Variants in PCDHGC3 observed in about 807,000 individuals in gnomAD.
The protein encoded by PCDHGC3 is protocadherin gamma subfamily C, 3.
A neutral mutation model predicts 59.2 loss-of-function variants in PCDHGC3; 26 were observed. That is an observed-to-expected ratio of 0.44 (90% confidence interval 0.32 to 0.61). The LOEUF is 0.61. Ranked by LOEUF, PCDHGC3 falls within the 20% of genes least tolerant of loss-of-function variation. The pLI is 0.05. For synonymous variants in PCDHGC3, 487 were observed against 519.7 expected, an observed-to-expected ratio of 0.94 and a Z score of 0.86; for missense variants, 1,080 against 1,221.8, an observed-to-expected ratio of 0.88 and a Z score of 1.73.
rs943867570 is a variant in PCDHGC3 at position 141,493,651 on chromosome 5, T to C, written c.2431-1156T>C. On this transcript the variant is annotated intron_variant, in intron 1 of 3. Coordinates refer to ENST00000308177, the MANE Select transcript of PCDHGC3 (RefSeq NM_002588.4). The surrounding 1 kb of genome is among the most constrained non-coding windows in gnomAD (Gnocchi z 4.3). ...AGTGGCTGAGGGCTGGCCATCCCTGTGCCCTTCTCCATGGCAGCCCCAGAA... is the reference window on the plus strand; with the variant it reads ...AGTGGCTGAGGGCTGGCCATCCCTGCGCCCTTCTCCATGGCAGCCCCAGAA... Among the ~76,000 whole-genome samples, 1 of 152,204 alleles carries C rather than the reference T, an allele frequency of 6.6e-6. No individual in the cohort carries two copies. The highest frequency in any genetic ancestry group is 1.5e-5 in the Non-Finnish European group (1 of 68,030).
chr5:141,503,713 C>T (rs867005984), intron 2 of PCDHGC3, among the ~76,000 whole-genome samples: 6 of 152,134 alleles, frequency 3.9e-5, no homozygotes, highest in Non-Finnish European at 8.8e-5. Context: ...TCCCCTTCAA[C>T]CCTAGCTTTA....
At chr5:141,498,919 C>T (rs897611505) in intron 2 of PCDHGC3, among the ~76,000 whole-genome samples, 34 of 122,310 alleles carry the variant, frequency 2.8e-4, no homozygotes, top group African/African-American at 3.4e-4. Flanking sequence ...GGTGACAGAG[C>T]GAGACTCCAT....
chr5:141,485,408 T>G lies in PCDHGC3; in HGVS notation c.2430+6862T>G. On this transcript the variant is annotated intron_variant, in intron 1 of 3. Transcript: ENST00000308177. The surrounding 1 kb of genome is among the most constrained non-coding windows in gnomAD (Gnocchi z 5.7). ...GAACCAAAGACACTTCCGTGTGGAT[T>G]TGGACAGCGGAGCCCTGCTCATCAA... 1 of 1,614,112 alleles carries G rather than the reference T, an allele frequency of 6.2e-7. No individual in the cohort carries two copies. The highest frequency in any genetic ancestry group is 8.5e-7 in the Non-Finnish European group (1 of 1,180,034).
chr5:141,485,882 G>C lies in PCDHGC3; in HGVS notation c.2430+7336G>C. 6.2e-7 allele frequency: 1 copy of C among 1,614,146 alleles called. No homozygotes were observed. On this transcript the variant is annotated intron_variant, in intron 1 of 3. Transcript: ENST00000308177. The surrounding 1 kb of genome is among the most constrained non-coding windows in gnomAD (Gnocchi z 5.7). ...CCGGGTATCCGTGCTGGACGTAAACGACAACGCCCCAGCCTTCCAGCAATC... is the reference window on the plus strand; with the variant it reads ...CCGGGTATCCGTGCTGGACGTAAACCACAACGCCCCAGCCTTCCAGCAATC...
At position 141,477,415 on chromosome 5, in the gene PCDHGC3, A is replaced by T. The variant is rs771293212; in HGVS notation, c.1299A>T (p.Gly433=). The change falls in exon 1 of 4, where the codon GGA becomes GGT. Residue 433 remains glycine (G), a synonymous_variant. Coordinates refer to ENST00000308177, the MANE Select transcript of PCDHGC3 (RefSeq NM_002588.4). This position sits in a 1 kb window ranked among gnomAD's most constrained non-coding sequence, Gnocchi z 4.9. ...YNLSITARDA[G]TPSLSALTIV... ...TCAGCATCACCGCCCGAGACGCCGG[A>T]ACCCCTTCCCTCTCAGCCCTTACAA... 12 of 1,614,162 alleles carry T rather than the reference A, an allele frequency of 7.4e-6. No individual in the cohort carries two copies. The highest frequency in any genetic ancestry group is 1.0e-5 in the Non-Finnish European group (12 of 1,180,020).
rs746838072 is a variant in PCDHGC3 at position 141,486,116 on chromosome 5, T to A, written c.2430+7570T>A. ...GCCCCTAGACTTTGAGAGTGAGAATTACTATGAATTTGATGTGCGGGCTCG... is the reference window on the plus strand; with the variant it reads ...GCCCCTAGACTTTGAGAGTGAGAATAACTATGAATTTGATGTGCGGGCTCG... On this transcript the variant is annotated intron_variant, in intron 1 of 3. Coordinates refer to ENST00000308177, the MANE Select transcript of PCDHGC3 (RefSeq NM_002588.4). This position sits in a 1 kb window ranked among gnomAD's most constrained non-coding sequence, Gnocchi z 5.0. 1.1e-5 allele frequency: 17 copies of A among 1,613,638 alleles called. No homozygotes were observed. Among genetic ancestry groups the A allele is most frequent in the Non-Finnish European group, 1.4e-5 (17 of 1,179,610 alleles).
Position 141,487,858 on chromosome 5 carries a change from G to C in PCDHGC3, c.2431-6949G>C, listed in dbSNP as rs575288726. Reference sequence around the variant, plus strand: ...ATCTGAGTAAGAAATGAAAGTAATTGGTGATCAAGAGCCAGGCTGTTGTGG... The same window carrying C: ...ATCTGAGTAAGAAATGAAAGTAATTCGTGATCAAGAGCCAGGCTGTTGTGG... On this transcript the variant is annotated intron_variant, in intron 1 of 3. Transcript: ENST00000308177. The surrounding 1 kb of genome is among the most constrained non-coding windows in gnomAD (Gnocchi z 5.0). The C allele has an allele frequency of 3.8e-5, 36 of 953,250 alleles. No individual in the cohort carries two copies. The Middle Eastern group carries it at 1.3e-3, about 35-fold the overall frequency. 59.0% of individuals were successfully genotyped at this position (953,250 alleles called of 1,614,324 possible). A position where few individuals can be genotyped will look rare whatever the true frequency, so the allele number is the denominator to read the frequency against.
Position 141,478,294 on chromosome 5 carries a change from A to G in PCDHGC3, c.2178A>G (p.Leu726=), listed in dbSNP as rs147994096. The G allele has an allele frequency of 3.6e-3, 5,805 of 1,614,110 alleles. 30 individuals are homozygous for G. Among genetic ancestry groups the G allele is most frequent in the Non-Finnish European group, 3.4e-3 (4,026 of 1,180,032 alleles). The stretch of plus-strand genomic sequence containing the variant: ...ACAAGTGGAAGCAGTCTAGAGACCT[A>G]TACCGAGCCCCGGTGAGCTCACTGT... The part of the protein sequence containing the change: ...KVYKWKQSRD[L]YRAPVSSLYR... The change falls in exon 1 of 4, where the codon CTA becomes CTG. Residue 726 remains leucine (L), a synonymous_variant. Coordinates refer to ENST00000308177, the MANE Select transcript of PCDHGC3 (RefSeq NM_002588.4).
chr5:141,480,429 T>A (rs72790066), intron 1 of PCDHGC3, among the ~76,000 whole-genome samples: 9,317 of 151,926 alleles, frequency 0.061, 335 homozygotes, highest in South Asian at 0.12. Context: ...AAAAAAATTA[T>A]CAGCTATTAC....
In PCDHGC3 at chr5:141,478,137, G is replaced by A. The variant is rs762316494; in HGVS notation, c.2021G>A (p.Arg674Gln). ...GTAACCGAGGACTCTCCTGAAGCCC[G>A]AGCCGAGTTCCCCTCTGGCTCTGCC... Reference protein sequence around the residue: ...VSVTEDSPEARAEFPSGSAPR... With the variant: ...VSVTEDSPEAQAEFPSGSAPR... The change falls in exon 1 of 4, where the codon CGA becomes CAA. Residue 674 changes from arginine (R) to glutamine (Q), a missense_variant. Physicochemically the swap from Arg to Gln is conservative, Grantham distance 43. Coordinates refer to ENST00000308177, the MANE Select transcript of PCDHGC3 (RefSeq NM_002588.4). 8.1e-6 allele frequency: 13 copies of A among 1,613,872 alleles called. No homozygotes were observed. Among genetic ancestry groups the A allele is most frequent in the African/African-American group, 8.0e-5 (6 of 74,908 alleles).
chr5:141,504,180 A>G (rs1195970606), intron 2 of PCDHGC3, among the ~76,000 whole-genome samples: 1 of 152,236 alleles, frequency 6.6e-6, no homozygotes, highest in Non-Finnish European at 1.5e-5. Context: ...ATTCAAAAAA[A>G]TCATGAAAAT....
In PCDHGC3 at chr5:141,487,938, G is replaced by A; in HGVS notation, c.2431-6869G>A. ...GAGGCTACAGTGCACAGGGTACAGT[G>A]CACCAGGCAGTCACTTGGACAAAGG... is the stretch of plus-strand genomic sequence containing the variant. On this transcript the variant is annotated intron_variant, in intron 1 of 3. Coordinates refer to ENST00000308177, the MANE Select transcript of PCDHGC3 (RefSeq NM_002588.4). This position sits in a 1 kb window ranked among gnomAD's most constrained non-coding sequence, Gnocchi z 5.0. 1.7e-6 allele frequency: 1 copy of A among 600,308 alleles called. No homozygotes were observed. The highest frequency in any genetic ancestry group is 2.9e-6 in the Non-Finnish European group (1 of 342,970). 37.2% of individuals were successfully genotyped at this position (600,308 alleles called of 1,614,324 possible).
rs953182246 is a variant in PCDHGC3, at chr5:141,511,757, C to T, written c.*584C>T. ...CTCAAGTTTTGGAGGACATGATCAC[C>T]ATCCCCATGGTACTGATGCTTGCTG... is the stretch of plus-strand genomic sequence containing the variant. On this transcript the variant is annotated 3_prime_UTR_variant, in exon 4 of 4. Coordinates refer to ENST00000308177, the MANE Select transcript of PCDHGC3 (RefSeq NM_002588.4). The T allele has an allele frequency of 6.9e-5, 12 of 174,122 alleles. No individual in the cohort carries two copies. The highest frequency in any genetic ancestry group is 2.8e-4 in the African/African-American group (12 of 42,412). The allele number at this position is 174,122 out of a possible 1,614,324, so 10.8% of individuals were successfully genotyped here.
chr5:141,478,590 A>T, intron 1 of PCDHGC3, 44 bp downstream of exon 1: 1 of 1,573,342 alleles, frequency 6.4e-7, no homozygotes, highest in South Asian at 1.1e-5. Flanking sequence ...GTGCTTTTTT[A>T]TTCCTACATC....
rs2099746956 is a variant in PCDHGC3 at position 141,493,207 on chromosome 5, A to C, written c.2431-1600A>C. Among the ~76,000 whole-genome samples, 1 of 152,152 alleles carries C rather than the reference A, an allele frequency of 6.6e-6. No individual in the cohort carries two copies. The highest frequency in any genetic ancestry group is 2.4e-5 in the African/African-American group (1 of 41,442). On this transcript the variant is annotated intron_variant, in intron 1 of 3. Coordinates refer to ENST00000308177, the MANE Select transcript of PCDHGC3 (RefSeq NM_002588.4). The surrounding 1 kb of genome is among the most constrained non-coding windows in gnomAD (Gnocchi z 4.3). ...ATAACTCCTTTGAGAACCTCATCTC[A>C]TTTGCTCTTCCCACCATTGCTGTTG...
Position 141,489,569 on chromosome 5 carries a change from C to T in PCDHGC3, c.2431-5238C>T. On this transcript the variant is annotated intron_variant, in intron 1 of 3. Coordinates refer to ENST00000308177, the MANE Select transcript of PCDHGC3 (RefSeq NM_002588.4). This position sits in a 1 kb window ranked among gnomAD's most constrained non-coding sequence, Gnocchi z 4.5. ...TGCCTGCTGCCAGTGCAGGTGGTGACTGAACACCCCCTGGAGCTAATCCGT... is the reference window on the plus strand; with the variant it reads ...TGCCTGCTGCCAGTGCAGGTGGTGATTGAACACCCCCTGGAGCTAATCCGT... 6.2e-7 allele frequency: 1 copy of T among 1,614,024 alleles called. No homozygotes were observed. The highest frequency in any genetic ancestry group is 2.2e-5 in the East Asian group (1 of 44,870).
At chr5:141,503,675 T>C (rs1233495836) in intron 2 of PCDHGC3, among the ~76,000 whole-genome samples, 1 of 152,104 alleles carries the variant, frequency 6.6e-6, no homozygotes. Flanking sequence ...CTTCCCACTT[T>C]TGGGAAGGAG....
Position 141,486,177 on chromosome 5 carries a change from G to A in PCDHGC3, c.2430+7631G>A. The A allele has an allele frequency of 6.2e-7, 1 of 1,614,222 alleles. No individual in the cohort carries two copies. Among genetic ancestry groups the A allele is most frequent in the Non-Finnish European group, 8.5e-7 (1 of 1,180,042 alleles). ...TCTCCAGCCATGGAGCAACATTGCA[G>A]CCTTCGAGTGGATCTGCTGGACGTA... On this transcript the variant is annotated intron_variant, in intron 1 of 3. Coordinates refer to ENST00000308177, the MANE Select transcript of PCDHGC3 (RefSeq NM_002588.4). The surrounding 1 kb of genome is among the most constrained non-coding windows in gnomAD (Gnocchi z 5.0).
chr5:141,504,161 T>C (rs931754061), intron 2 of PCDHGC3, among the ~76,000 whole-genome samples: 1 of 152,196 alleles, frequency 6.6e-6, no homozygotes, highest in Non-Finnish European at 1.5e-5. Context: ...AATAATTTCA[T>C]CCTTGGAAAT....
Sources: gnomAD v4.1 joint callset for allele counts (sites outside exome capture counted in the v4.1 genomes callset) on GRCh38, gnomAD v4.1.1 for gene constraint, Gnocchi (gnomAD v3.1) non-coding constraint, MANE v1.5 for transcripts, NCBI Gene and HGNC (gene_info 2026-07-23, HGNC 2026-07-21) for gene names.